The following IL1RAPL2 variants were observed in gnomAD, a reference collection of about 807,000 sequenced individuals.
IL1RAPL2 encodes the protein X-linked interleukin-1 receptor accessory protein-like 2.
IL1RAPL2 carries 3 observed loss-of-function variants against 44.1 expected under a neutral mutation model. The observed-to-expected ratio is 0.07, with a 90% confidence interval of 0.03 to 0.18. The LOEUF (loss-of-function observed/expected upper bound fraction) is 0.18. Among genes scored for constraint, IL1RAPL2 ranks in the 10% least tolerant of loss-of-function variants. The probability of loss-of-function intolerance (pLI) is 1.00; values close to 1 mark genes in which losing one functional copy is unlikely to be tolerated. For synonymous variants in IL1RAPL2, 181 were observed against 178.8 expected, an observed-to-expected ratio of 1.01 and a Z score of -0.10; for missense variants, 391 against 496.4, an observed-to-expected ratio of 0.79 and a Z score of 2.02.
At chrX:105,073,265 A>G (rs1285809974) in intron 2 of IL1RAPL2, among the ~76,000 whole-genome samples, 6 of 84,623 alleles carry the variant, frequency 7.1e-5, no homozygotes, top group Non-Finnish European at 1.1e-4. Flanking sequence ...TCATTGTTCA[A>G]TTCCCGCCTA....
intron 6 of IL1RAPL2, among the ~76,000 whole-genome samples, chrX:105,713,779 T>C (rs1804186865): frequency 9.0e-6 from 1 of 111,573 alleles, no homozygotes; most frequent in South Asian, 3.7e-4. Flanking sequence ...GGCTTGTTTC[T>C]ATGCGTATTA....
At chrX:105,304,869 A>G (rs1395308469) in intron 5 of IL1RAPL2, among the ~76,000 whole-genome samples, 3 of 111,873 alleles carry the variant, frequency 2.7e-5, no homozygotes, top group African/African-American at 6.5e-5. Flanking sequence ...TGAGTAATCT[A>G]TAAAGTAAAG....
rs1009251515 is a variant in IL1RAPL2, at chrX:105,667,810, G to A, written c.773-49557G>A. Among the ~76,000 whole-genome samples the A allele has an allele frequency of 3.6e-5, 4 of 111,263 alleles. No individual in the cohort carries two copies. The Admixed American group carries it at 3.8e-4, about 11-fold the overall frequency. ...TCCCAAGGCCTGTGTAAGGCTACGG[G>A]GAGCCAAATACCGTCTCTGGCTCTG... On this transcript the variant is annotated intron_variant, in intron 6 of 10. Coordinates refer to ENST00000372582, the MANE Select transcript of IL1RAPL2 (RefSeq NM_017416.2).
At chrX:104,855,680 C>CTTTTTTTTTTTTTTTTTTTTTTTTTTTTT (rs1304044009) in intron 2 of IL1RAPL2, among the ~76,000 whole-genome samples, 1 of 53,776 alleles carries the variant, frequency 1.9e-5, no homozygotes, top group African/African-American at 6.3e-5. Context: ...GATCTGGATC[C>CTTTTTTTTTTTTTTTTTTTTTTTTTTTTT]GTTTTTTTTT....
At chrX:105,673,235 A>G (rs748315607) in intron 6 of IL1RAPL2, among the ~76,000 whole-genome samples, 2 of 111,173 alleles carry the variant, frequency 1.8e-5, no homozygotes, top group Non-Finnish European at 3.8e-5. Flanking sequence ...AACGTGTGCC[A>G]TGATGGTTTG....
intron 5 of IL1RAPL2, among the ~76,000 whole-genome samples, chrX:105,385,380 T>C (rs549247625): frequency 9.0e-6 from 1 of 111,227 alleles, no homozygotes; most frequent in Admixed American, 9.7e-5. Flanking sequence ...ACAGAGTGGT[T>C]AATTAACTTG....
intron 3 of IL1RAPL2, chrX:105,220,311 C>A: frequency 2.5e-6 from 3 of 1,210,246 alleles, no homozygotes; most frequent in Non-Finnish European, 3.4e-6. Flanking sequence ...CGGGGCCTTT[C>A]GTGTGCCTGG....
chrX:105,729,406 T>C (rs1372161613), intron 7 of IL1RAPL2, among the ~76,000 whole-genome samples: 1 of 111,597 alleles, frequency 9.0e-6, no homozygotes. Flanking sequence ...AATAGGTGTG[T>C]AGTGTATGTC....
intron 7 of IL1RAPL2, among the ~76,000 whole-genome samples, chrX:105,724,433 A>C (rs2038333710): frequency 9.1e-6 from 1 of 110,313 alleles, no homozygotes; most frequent in South Asian, 3.9e-4. Flanking sequence ...CCCATTGCCA[A>C]AGCACTTAGA....
chrX:105,033,367 G>T (rs928398625), intron 2 of IL1RAPL2, among the ~76,000 whole-genome samples: 1 of 111,686 alleles, frequency 9.0e-6, no homozygotes, highest in Admixed American at 9.5e-5. Flanking sequence ...GGTACCGGTT[G>T]TTCCTTTCCA....
At chrX:104,985,448 ATC>A (rs1222448054) in intron 2 of IL1RAPL2, among the ~76,000 whole-genome samples, 1 of 111,926 alleles carries the variant, frequency 8.9e-6, no homozygotes, top group African/African-American at 3.3e-5. Flanking sequence ...AAATAGCAGA[ATC>A]TCTCCTATCA....
chrX:105,458,952 A>G (rs983921938), intron 5 of IL1RAPL2, among the ~76,000 whole-genome samples: 1 of 111,612 alleles, frequency 9.0e-6, no homozygotes, highest in Non-Finnish European at 1.9e-5. Flanking sequence ...TAGTGAGGCT[A>G]TTGGCTGTTA....
intron 2 of IL1RAPL2, among the ~76,000 whole-genome samples, chrX:104,810,350 C>T (rs1479283814): frequency 9.1e-6 from 1 of 110,485 alleles, no homozygotes; most frequent in Non-Finnish European, 1.9e-5. Context: ...ACCAGCATGT[C>T]ACATGTATAC....
chrX:105,205,850 G>C (rs782217864), intron 3 of IL1RAPL2, among the ~76,000 whole-genome samples: 1 of 109,967 alleles, frequency 9.1e-6, no homozygotes, highest in Non-Finnish European at 1.9e-5. Flanking sequence ...TGATTACTTT[G>C]GTTGCCTGGC....
chrX:105,310,570 A>G (rs964534312), intron 5 of IL1RAPL2, among the ~76,000 whole-genome samples: 2 of 111,433 alleles, frequency 1.8e-5, no homozygotes, highest in African/African-American at 6.5e-5. Context: ...ATCTATTTTA[A>G]ACATTTTTTA....
chrX:105,347,034 C>G (rs966358583), intron 5 of IL1RAPL2, among the ~76,000 whole-genome samples: 1 of 111,792 alleles, frequency 8.9e-6, no homozygotes, highest in African/African-American at 3.3e-5. Context: ...CCAATGCTCC[C>G]ATTCATAAAA....
Position 105,267,546 on chromosome X carries a change from G to A in IL1RAPL2, c.697+5G>A. On this transcript the variant is annotated splice_donor_5th_base_variant and intron_variant, in intron 5 of 10. Transcript: ENST00000372582. ...CAACTGAATTGAAAGTTACAGGTAG[G>A]AATCAGTTCTACAAAATTACGGCAA... The A allele has an allele frequency of 8.6e-7, 1 of 1,163,515 alleles. No individual in the cohort carries two copies. Among genetic ancestry groups the A allele is most frequent in the Non-Finnish European group, 1.2e-6 (1 of 868,471 alleles).
intron 2 of IL1RAPL2, among the ~76,000 whole-genome samples, chrX:104,777,511 G>A (rs1932736719): frequency 1.9e-5 from 2 of 107,102 alleles, no homozygotes; most frequent in Non-Finnish European, 3.8e-5. Context: ...GAATATGGGT[G>A]TACAAATATC....
intron 2 of IL1RAPL2, among the ~76,000 whole-genome samples, chrX:105,051,899 G>A (rs1296010359): frequency 8.9e-6 from 1 of 112,190 alleles, no homozygotes; most frequent in Non-Finnish European, 1.9e-5. Context: ...AACTTAAGAG[G>A]ACGGGCCAAT....
Sources: gnomAD v4.1 joint callset for allele counts (sites outside exome capture counted in the v4.1 genomes callset) on GRCh38, gnomAD v4.1.1 for gene constraint, MANE v1.5 for transcripts, NCBI Gene and HGNC (gene_info 2026-07-23, HGNC 2026-07-21) for gene names.